MCF2L: variants seen among roughly 807,000 people sequenced by gnomAD.
The protein encoded by MCF2L is MCF.2 cell line derived transforming sequence like.
In MCF2L, 97 loss-of-function variants were observed where a neutral mutation model predicts 153.4. The observed-to-expected ratio is 0.63, with a 90% CI of 0.54 to 0.75. The LOEUF is 0.75. Among genes scored for constraint, MCF2L ranks in the 30% least tolerant of loss-of-function variants. The pLI, the probability that MCF2L is intolerant of heterozygous loss-of-function variation, is 0.00. For synonymous variants in MCF2L, 659 were observed against 632.2 expected, an observed-to-expected ratio of 1.04 and a Z score of -0.64; for missense variants, 1,347 against 1,495.2, an observed-to-expected ratio of 0.90 and a Z score of 1.64.
intron 3 of MCF2L, among the ~76,000 whole-genome samples, chr13:113,025,813 T>G (rs1057457287): frequency 2.2e-5 from 3 of 133,972 alleles, no homozygotes; most frequent in Non-Finnish European, 3.2e-5. Flanking sequence ...TCCCCGTGAC[T>G]GTGGGTCGGG....
intron 2 of MCF2L, among the ~76,000 whole-genome samples, chr13:112,936,046 G>A (rs545700539): frequency 1.3e-5 from 2 of 152,238 alleles, no homozygotes; most frequent in African/African-American, 2.4e-5. Context: ...TTGGGAGGCC[G>A]AGGTGGGTGG....
In MCF2L at chr13:112,993,925, C is replaced by T. The variant is rs1308663547; in HGVS notation, c.80-20838C>T. 7.1e-6 allele frequency among the ~76,000 whole-genome samples: 1 copy of T among 140,140 alleles called. No homozygotes were observed. The highest frequency in any genetic ancestry group is 2.3e-4 in the East Asian group (1 of 4,400). 91.9% of individuals were successfully genotyped at this position (140,140 alleles called of 152,430 possible). ...AGGTGAGATCCACAGCTCGATTTCC[C>T]TTCAGATAAAAGGCACAATCACAAC... On this transcript the variant is annotated intron_variant, in intron 1 of 29. Transcript: ENST00000535094. The surrounding 1 kb of genome is among the most constrained non-coding windows in gnomAD (Gnocchi z 4.6).
intron 1 of MCF2L, among the ~76,000 whole-genome samples, chr13:112,895,701 C>G (rs1403082322): frequency 6.6e-6 from 1 of 152,118 alleles, no homozygotes; most frequent in Admixed American, 6.5e-5. Context: ...CTGGGGCAAG[C>G]TGACAGCTAG....
intron 1 of MCF2L, among the ~76,000 whole-genome samples, chr13:113,006,481 C>G (rs1259581920): frequency 2.0e-5 from 3 of 152,192 alleles, no homozygotes; most frequent in Admixed American, 6.5e-5. Flanking sequence ...GAGGGGGTCT[C>G]CCTGGCATGC....
In MCF2L at chr13:113,045,108, TG is replaced by T; in HGVS notation, c.279-159del. On this transcript the variant is annotated intron_variant, in intron 3 of 29. Coordinates refer to ENST00000535094, the MANE Select transcript of MCF2L (RefSeq NM_001112732.3). The surrounding 1 kb of genome is among the most constrained non-coding windows in gnomAD (Gnocchi z 4.2). Reference sequence around the variant, plus strand: ...AGAGCAGGTTCTGGGACTGCGGGGATGGGGCTGCCGGGGCCCCCGTGTGCCA... The same window carrying T: ...AGAGCAGGTTCTGGGACTGCGGGGATGGGCTGCCGGGGCCCCCGTGTGCCA... The T allele has an allele frequency of 1.1e-6, 1 of 912,908 alleles. No homozygotes were observed. The highest frequency in any genetic ancestry group is 2.6e-5 in the East Asian group (1 of 38,102). The allele number at this position is 912,908 out of a possible 1,614,324, so 56.6% of individuals were successfully genotyped here.
chr13:113,024,408 TG>T (rs2085096000), intron 2 of MCF2L, among the ~76,000 whole-genome samples: 1 of 152,258 alleles, frequency 6.6e-6, no homozygotes, highest in African/African-American at 2.4e-5. Context: ...TCACGGTAGC[TG>T]TCCCATGGTG....
At position 113,084,299 on chromosome 13, in the gene MCF2L, A is replaced by G. The variant is rs1342591960; in HGVS notation, c.2061+232A>G. Among the ~76,000 whole-genome samples the G allele has an allele frequency of 2.7e-5, 4 of 150,598 alleles. No homozygotes were observed. The East Asian group carries it at 7.8e-4, about 29-fold the overall frequency. ...CCAGAAAACGTCCTGAACCCCCAGA[A>G]CCTCCTGTACCCCAGGACCTCCTGT... On this transcript the variant is annotated intron_variant, in intron 18 of 29. Transcript: ENST00000535094.
intron 1 of MCF2L, among the ~76,000 whole-genome samples, chr13:113,008,004 C>A (rs2083828597): frequency 6.6e-6 from 1 of 151,380 alleles, no homozygotes; most frequent in African/African-American, 2.4e-5. Flanking sequence ...GCAACATCCA[C>A]CTCCCAGGTT....
At chr13:112,961,081 G>GTCTGCTATGCCTCCATGTTGCA (rs2081819394) in intron 2 of MCF2L, among the ~76,000 whole-genome samples, 1 of 134,340 alleles carries the variant, frequency 7.4e-6, no homozygotes, top group Non-Finnish European at 1.7e-5. Flanking sequence ...ACCAAGGGGA[G>GTCTGCTATGCCTCCATGTTGCA]TCTGCTATGC....
chr13:112,994,380 G>T (rs2083030549), intron 1 of MCF2L, among the ~76,000 whole-genome samples: 1 of 151,994 alleles, frequency 6.6e-6, no homozygotes, highest in African/African-American at 2.4e-5. Flanking sequence ...CAAGGTGCGT[G>T]GGACGTCAAG....
chr13:113,052,954 C>A (rs1254842793), intron 4 of MCF2L, among the ~76,000 whole-genome samples: 1 of 152,090 alleles, frequency 6.6e-6, no homozygotes, highest in Admixed American at 6.6e-5. Context: ...CACTCAGAGA[C>A]ATACATCACA....
At position 113,053,687 on chromosome 13, in the gene MCF2L, G is replaced by A. The variant is rs1168471619; in HGVS notation, c.370-6906G>A. ...GGTGGTTCGGTGGTGGTTGCCACAG[G>A]GCTGTGTTTTCAAGGGGAGCAGCAG... On this transcript the variant is annotated intron_variant, in intron 4 of 29. Transcript: ENST00000535094. The surrounding 1 kb of genome is among the most constrained non-coding windows in gnomAD (Gnocchi z 4.4). Among the ~76,000 whole-genome samples the A allele has an allele frequency of 6.6e-6, 1 of 152,130 alleles. No homozygotes were observed. The highest frequency in any genetic ancestry group is 1.5e-5 in the Non-Finnish European group (1 of 68,020).
chr13:113,033,140 G>A (rs1263404783), intron 3 of MCF2L, among the ~76,000 whole-genome samples: 3 of 140,594 alleles, frequency 2.1e-5, no homozygotes, highest in Non-Finnish European at 4.5e-5. Context: ...AGTGGCCCCC[G>A]TGACATTAGT....
intron 1 of MCF2L, among the ~76,000 whole-genome samples, chr13:112,895,817 G>C (rs1354372086): frequency 6.6e-6 from 1 of 152,160 alleles, no homozygotes. Flanking sequence ...TCACCGGGCT[G>C]TGCAGGGGCC....
Position 113,066,109 on chromosome 13 carries a change from G to T in MCF2L, c.820G>T (p.Ala274Ser), listed in dbSNP as rs1234159203. 6.2e-7 allele frequency: 1 copy of T among 1,613,350 alleles called. No individual in the cohort carries two copies. Among genetic ancestry groups the T allele is most frequent in the South Asian group, 1.1e-5 (1 of 91,076 alleles). The change falls in exon 8 of 30, where the codon GCT becomes TCT. Residue 274 changes from alanine (A) to serine (S), a missense_variant. Around this residue, in one of 3 missense-constraint regions of MCF2L, gnomAD observed 820 missense variants for 921.2 expected, o/e 0.89. Transcript: ENST00000535094. The stretch of plus-strand genomic sequence containing the variant: ...CCTGGAGAGCCTCAGGGAGCTGCAG[G>T]CTGAGGGCTCAGAGCCCAGTGTGAA... ...SVLESLRELQ[A>S]EGSEPSVNQD...
chr13:113,065,410 A>G (rs2141836829), intron 7 of MCF2L: 1 of 367,284 alleles, frequency 2.7e-6, no homozygotes, highest in Non-Finnish European at 5.0e-6. Context: ...TCTCAGGAGC[A>G]CTTTTGGCTG....
In MCF2L at chr13:113,027,141, G is replaced by A; in HGVS notation, c.278+2383G>A. ...GAGATGTTTAACCATCAGCGTGAAA[G>A]TGCAGCCGTGGCCATTACCGTGAAG... On this transcript the variant is annotated intron_variant, in intron 3 of 29. Coordinates refer to ENST00000535094, the MANE Select transcript of MCF2L (RefSeq NM_001112732.3). The surrounding 1 kb of genome is among the most constrained non-coding windows in gnomAD (Gnocchi z 4.8). The A allele has an allele frequency of 2.9e-6, 2 of 695,866 alleles. No individual in the cohort carries two copies. The highest frequency in any genetic ancestry group is 5.4e-5 in the East Asian group (2 of 37,352). The allele number at this position is 695,866 out of a possible 1,614,324, so 43.1% of individuals were successfully genotyped here. A position where few individuals can be genotyped will look rare whatever the true frequency, so the allele number is the denominator to read the frequency against.
intron 1 of MCF2L, among the ~76,000 whole-genome samples, chr13:112,978,571 C>T (rs928790560): frequency 2.6e-5 from 4 of 152,214 alleles, no homozygotes; most frequent in African/African-American, 7.2e-5. Flanking sequence ...GTCCCCGATG[C>T]CAGTGGGAGG....
At position 113,024,634 on chromosome 13, in the gene MCF2L, C is replaced by G; in HGVS notation, c.164-10C>G. ...CCTCGGCTAAGGGTCTGCCTCTGGT[C>G]TCTCCCCAGGTGGGCGGGGGCAGGA... On this transcript the variant is annotated splice_polypyrimidine_tract_variant and intron_variant, in intron 2 of 29. Transcript: ENST00000535094. 6.2e-7 allele frequency: 1 copy of G among 1,600,840 alleles called. No homozygotes were observed. Among genetic ancestry groups the G allele is most frequent in the Non-Finnish European group, 8.6e-7 (1 of 1,168,378 alleles).
Sources: allele counts gnomAD v4.1 joint callset (sites outside exome capture counted in the v4.1 genomes callset), GRCh38; gene constraint gnomAD v4.1.1; regional missense constraint gnomAD v4.1.1; non-coding constraint Gnocchi (gnomAD v3.1); transcripts MANE v1.5; gene names NCBI Gene and HGNC (gene_info 2026-07-23, HGNC 2026-07-21).